Variants in NHSL1 observed in about 807,000 individuals in gnomAD.
The protein encoded by NHSL1 is NHS-like protein 1.
In NHSL1, 48 loss-of-function variants were observed where a neutral mutation model predicts 95.0. That is an observed-to-expected ratio of 0.51 (90% CI 0.40 to 0.64). NHSL1 has a LOEUF of 0.64. NHSL1 is among the 30% of genes least tolerant of loss of function. The pLI, the probability that NHSL1 is intolerant of heterozygous loss-of-function variation, is 0.00. For synonymous variants in NHSL1, 783 were observed against 833.9 expected, an observed-to-expected ratio of 0.94 and a Z score of 1.05; for missense variants, 1,971 against 2,077.7, an observed-to-expected ratio of 0.95 and a Z score of 1.00.
At chr6:138,603,085 C>T (rs1297703582) in intron 1 of NHSL1, among the ~76,000 whole-genome samples, 1 of 152,230 alleles carries the variant, frequency 6.6e-6, no homozygotes, top group Non-Finnish European at 1.5e-5. Flanking sequence ...ATACCTTCCA[C>T]TCCCAAAATT....
At chr6:138,500,759 G>C (rs971134027), upstream of NHSL1, among the ~76,000 whole-genome samples, 1 of 151,352 alleles carries the variant, frequency 6.6e-6, no homozygotes, top group African/African-American at 2.4e-5. Flanking sequence ...GGAAAGCTTT[G>C]AAATGATTCC....
intron 3 of NHSL1, chr6:138,464,471 G>T: frequency 4.0e-6 from 1 of 248,918 alleles, no homozygotes; most frequent in East Asian, 9.1e-5. Context: ...AACAGCTGCA[G>T]TGCTTAAATT....
At chr6:138,581,692 CAAAAAAAAAAAA>C (rs1163761095) in intron 1 of NHSL1, among the ~76,000 whole-genome samples, 32 of 67,292 alleles carry the variant, frequency 4.8e-4, no homozygotes, top group Admixed American at 1.7e-3. Context: ...ACTCCGTCTC[CAAAAAAAAAAAA>C]AAAAAAAAAA....
chr6:138,443,502 A>C (rs990112185), intron 4 of NHSL1, among the ~76,000 whole-genome samples: 1 of 152,200 alleles, frequency 6.6e-6, no homozygotes, highest in Non-Finnish European at 1.5e-5. Context: ...TCCTTGTATC[A>C]AGACATTAAG....
intron 2 of NHSL1, among the ~76,000 whole-genome samples, chr6:138,477,114 A>C (rs1779126020): frequency 6.6e-6 from 1 of 152,214 alleles, no homozygotes; most frequent in East Asian, 1.9e-4. Flanking sequence ...GTAAAACTAA[A>C]GTCTAAAGAT....
At chr6:138,546,530 G>C (rs12526356), upstream of NHSL1, among the ~76,000 whole-genome samples, 7 of 149,720 alleles carry the variant, frequency 4.7e-5, no homozygotes, top group Non-Finnish European at 8.9e-5. Context: ...GATTGTTTGA[G>C]ACCAAGAGGT....
chr6:138,573,518 A>G (rs2114458001), upstream of NHSL1, among the ~76,000 whole-genome samples: 1 of 152,298 alleles, frequency 6.6e-6, no homozygotes, highest in South Asian at 2.1e-4. Flanking sequence ...ACTCCAATTC[A>G]CTGAGATTTT....
rs117387127 is a variant in NHSL1, at chr6:138,627,925, C to T, written c.96+64551G>A. On this transcript the variant is annotated intron_variant, in intron 1 of 3. Coordinates refer to the NHSL1 transcript ENST00000491526. ...TTTAAAAAATTTATTTATATGAACT[C>T]TACAGCTTATTTAAAATATTCTTGT... Among the ~76,000 whole-genome samples, 69 of 152,190 alleles carry T rather than the reference C, an allele frequency of 4.5e-4. No homozygotes were observed. In the East Asian group the frequency reaches 0.013, roughly 28 times the overall value.
At position 138,433,366 on chromosome 6, in the gene NHSL1, G is replaced by A. The variant is rs1044919651; in HGVS notation, c.979C>T (p.Arg327Cys). 5.8e-6 allele frequency: 9 copies of A among 1,552,084 alleles called. No homozygotes were observed. Among genetic ancestry groups the A allele is most frequent in the Middle Eastern group, 1.7e-4 (1 of 6,020 alleles). The change falls in exon 6 of 8, where the codon CGT becomes TGT. Residue 327 changes from arginine (R) to cysteine (C), a missense_variant. Physicochemically the swap from Arg to Cys is radical, Grantham distance 180. Coordinates refer to ENST00000343505, the MANE Select transcript of NHSL1 (RefSeq NM_001144060.2). ...DSDAGFHSLP[R>C]SGARANIQSL... Reference sequence around the variant, plus strand: ...TGAATGTTTGCCCTTGCTCCAGAACGCGGAAGACTATGGAAGCCAGCATCA... The same window carrying A: ...TGAATGTTTGCCCTTGCTCCAGAACACGGAAGACTATGGAAGCCAGCATCA...
At chr6:138,571,864 T>C (rs1468758824) in exon 1 of NHSL1, 1 of 1,551,786 alleles carries the variant, frequency 6.4e-7, no homozygotes, top group Admixed American at 2.0e-5. Context: ...AGAGAGAACC[T>C]GTATTCGGCT....
In NHSL1 at chr6:138,433,046, C is replaced by T. The variant is rs550790557; in HGVS notation, c.1299G>A (p.Ala433=). ...CAGAACTTTTACTTTCCCGCTGTCC[C>T]GCACTCTGAGCAGTGGGAATAGCGA... is the stretch of plus-strand genomic sequence containing the variant. ...EVIAIPTAQS[A]GQRESKSSGS... Residue 433 remains alanine (A), a synonymous_variant, in exon 6 of 8, where the codon GCG becomes GCA. Coordinates refer to ENST00000343505, the MANE Select transcript of NHSL1 (RefSeq NM_001144060.2). 2.0e-5 allele frequency: 31 copies of T among 1,551,420 alleles called. No homozygotes were observed. Among genetic ancestry groups the T allele is most frequent in the East Asian group, 7.3e-5 (3 of 40,902 alleles).
chr6:138,555,269 C>T (rs532997303), intron 1 of NHSL1, among the ~76,000 whole-genome samples: 3 of 152,236 alleles, frequency 2.0e-5, no homozygotes, highest in Non-Finnish European at 2.9e-5. Context: ...AAGTAACTTA[C>T]CATTTTGTTC....
At chr6:138,537,921 A>G (rs1782424048) in intron 1 of NHSL1, among the ~76,000 whole-genome samples, 1 of 152,130 alleles carries the variant, frequency 6.6e-6, no homozygotes, top group African/African-American at 2.4e-5. Flanking sequence ...CCAGAGCATC[A>G]GACAGGAAGA....
chr6:138,531,457 C>T (rs575359033), intron 1 of NHSL1, among the ~76,000 whole-genome samples: 1 of 151,622 alleles, frequency 6.6e-6, no homozygotes, highest in East Asian at 1.9e-4. Flanking sequence ...CAGGGTAACG[C>T]TTTCCATTTT....
At chr6:138,642,638 G>GT (rs930427170) in intron 1 of NHSL1, among the ~76,000 whole-genome samples, 3 of 151,990 alleles carry the variant, frequency 2.0e-5, no homozygotes, top group Admixed American at 6.6e-5. Context: ...GTTTGTTTCA[G>GT]TTTTTTTTAA....
intron 1 of NHSL1, among the ~76,000 whole-genome samples, chr6:138,531,501 A>G (rs186482739): frequency 2.0e-5 from 3 of 148,034 alleles, no homozygotes; most frequent in Admixed American, 2.0e-4. Flanking sequence ...TTCATTTGTC[A>G]ACCATTTTGT....
chr6:138,553,429 A>G (rs867616194), intron 1 of NHSL1, among the ~76,000 whole-genome samples: 1 of 152,182 alleles, frequency 6.6e-6, no homozygotes, highest in South Asian at 2.1e-4. Flanking sequence ...CTGGCATGGT[A>G]TTACAATTCT....
intron 1 of NHSL1, among the ~76,000 whole-genome samples, chr6:138,613,025 G>A (rs1353138977): frequency 1.3e-5 from 2 of 152,126 alleles, no homozygotes; most frequent in Admixed American, 1.3e-4. Context: ...AGTAGAAAAA[G>A]ATTTCAAGCA....
chr6:138,666,741 T>C (rs1035167252), intron 1 of NHSL1, among the ~76,000 whole-genome samples: 2 of 152,044 alleles, frequency 1.3e-5, no homozygotes, highest in African/African-American at 4.8e-5. Flanking sequence ...GGAATGTATA[T>C]ACGTATATTG....
Sources: allele counts gnomAD v4.1 joint callset (sites outside exome capture counted in the v4.1 genomes callset), GRCh38; gene constraint gnomAD v4.1.1; transcripts MANE v1.5; gene names NCBI Gene and HGNC (gene_info 2026-07-23, HGNC 2026-07-21).